The following PLCG2 variants were observed in gnomAD, a reference collection of about 807,000 sequenced individuals.
PLCG2 encodes phospholipase C gamma 2.
Under a neutral mutation model 175.6 loss-of-function variants are expected in PLCG2, and 69 were observed. That is an observed-to-expected ratio of 0.39 (90% CI 0.32 to 0.48). PLCG2 has a LOEUF of 0.48. PLCG2 is among the 20% of genes least tolerant of loss of function. The pLI, the probability that PLCG2 is intolerant of heterozygous loss-of-function variation, is 0.91. For missense variants in PLCG2, 1,798 were observed against 1,650.9 expected, an observed-to-expected ratio of 1.09 and a Z score of -1.54; for synonymous variants, 827 against 624.0, an observed-to-expected ratio of 1.33 and a Z score of -4.85.
chr16:81,767,218 C>T lies in PLCG2; in HGVS notation c.-48+11252C>T, dbSNP rs565321452. ...GGAGTGCAGTGGTGCAATCTCGGCTCACTGCAACTTCTGCTTCCTGGGTTC... is the reference window on the plus strand; with the variant it reads ...GGAGTGCAGTGGTGCAATCTCGGCTTACTGCAACTTCTGCTTCCTGGGTTC... On this transcript the variant is annotated intron_variant, in intron 2 of 5. Transcript: ENST00000565054. Among the ~76,000 whole-genome samples, 172 of 140,328 alleles carry T rather than the reference C, an allele frequency of 1.2e-3. 1 individual carries two copies. The highest frequency in any genetic ancestry group is 1.5e-3 in the Non-Finnish European group (101 of 66,004). The allele number at this position is 140,328 out of a possible 152,430, so 92.1% of individuals were successfully genotyped here.
intron 4 of PLCG2, 68 bp downstream of exon 4, chr16:81,858,424 T>G: frequency 9.1e-7 from 1 of 1,097,718 alleles, no homozygotes; most frequent in Non-Finnish European, 1.4e-6. Context: ...TTAGCCAACA[T>G]GGGCTACAGG....
intron 2 of PLCG2, among the ~76,000 whole-genome samples, chr16:81,830,214 G>C (rs1238033576): frequency 6.6e-6 from 1 of 152,124 alleles, no homozygotes; most frequent in African/African-American, 2.4e-5. Context: ...CAGCTACTTA[G>C]GAGTCTGAGG....
chr16:81,794,030 TTGTGA>T (rs1449219252), intron 2 of PLCG2, among the ~76,000 whole-genome samples: 1 of 152,176 alleles, frequency 6.6e-6, no homozygotes, highest in Non-Finnish European at 1.5e-5. Context: ...TAGAGTTTCT[TTGTGA>T]CAGCAGGACA....
In PLCG2 at chr16:81,819,034, A is replaced by G. The variant is rs753134823; in HGVS notation, c.193+32852A>G. On this transcript the variant is annotated intron_variant, in intron 2 of 32. Coordinates refer to ENST00000564138, the MANE Select transcript of PLCG2 (RefSeq NM_002661.5). The stretch of plus-strand genomic sequence containing the variant: ...CCATGAGGCAGGTGTAACTCCTTCA[A>G]TTTGCAGAGGAAGCTGAGGCTCAGA... Among the ~76,000 whole-genome samples the G allele has an allele frequency of 9.5e-4, 144 of 151,964 alleles. 2 individuals carry two copies. The highest frequency in any genetic ancestry group is 1.2e-3 in the Non-Finnish European group (81 of 67,988).
intron 2 of PLCG2, among the ~76,000 whole-genome samples, chr16:81,804,676 G>A (rs571569829): frequency 1.3e-5 from 2 of 152,166 alleles, no homozygotes; most frequent in Non-Finnish European, 2.9e-5. Flanking sequence ...AAGGTTTAAC[G>A]CCTCAGCCCA....
intron 2 of PLCG2, among the ~76,000 whole-genome samples, chr16:81,816,651 ATTTTTT>A (rs71146047): frequency 0.13 from 14,590 of 108,348 alleles, 1,703 homozygotes; most frequent in Non-Finnish European, 0.16. Flanking sequence ...GCTAATTTTA[ATTTTTT>A]TTTTTTTTTT....
At chr16:81,844,872 A>T (rs1042481691) in intron 2 of PLCG2, among the ~76,000 whole-genome samples, 1 of 152,172 alleles carries the variant, frequency 6.6e-6, no homozygotes, top group Non-Finnish European at 1.5e-5. Context: ...AGTTTTTGTC[A>T]TGTCGGTACA....
At chr16:81,772,357 G>T (rs951350197) in intron 2 of PLCG2, among the ~76,000 whole-genome samples, 1 of 152,172 alleles carries the variant, frequency 6.6e-6, no homozygotes, top group Non-Finnish European at 1.5e-5. Flanking sequence ...AACCAGTGCT[G>T]CTGCTGGCAC....
chr16:81,900,879 C>A, intron 14 of PLCG2, 99 bp downstream of exon 14: 1 of 1,087,194 alleles, frequency 9.2e-7, no homozygotes. Flanking sequence ...CCTACTGGGC[C>A]TGCTCCAGGT....
intron 2 of PLCG2, among the ~76,000 whole-genome samples, chr16:81,849,427 T>C (rs1440464022): frequency 6.6e-6 from 1 of 152,178 alleles, no homozygotes; most frequent in Non-Finnish European, 1.5e-5. Context: ...ATGTATAATT[T>C]TTCTGTAAGG....
Position 81,884,060 on chromosome 16 carries a change from A to G in PLCG2, c.765+719A>G, listed in dbSNP as rs149713189. ...AGCCCCCCCTACCCCCCAGCGAAGA[A>G]GTATTCAGGGCCGGGTAGGGTGGCT... On this transcript the variant is annotated intron_variant, in intron 9 of 32. Transcript: ENST00000564138. Among the ~76,000 whole-genome samples, 230 of 152,350 alleles carry G rather than the reference A, an allele frequency of 1.5e-3. 2 individuals carry two copies. The highest frequency in any genetic ancestry group is 5.5e-3 in the African/African-American group (228 of 41,586).
chr16:81,800,737 C>G (rs1182996443), intron 2 of PLCG2, among the ~76,000 whole-genome samples: 2 of 151,952 alleles, frequency 1.3e-5, no homozygotes, highest in Non-Finnish European at 2.9e-5. Context: ...CTCTCTGCTC[C>G]CAAGATGCCC....
intron 30 of PLCG2, among the ~76,000 whole-genome samples, chr16:81,943,994 G>A (rs985061081): frequency 6.6e-6 from 1 of 152,148 alleles, no homozygotes; most frequent in Non-Finnish European, 1.5e-5. Context: ...GAGAACAAAA[G>A]AGGACAAATT....
intron 1 of PLCG2, among the ~76,000 whole-genome samples, chr16:81,743,173 G>GGAAGGAAGGAGAGGAAAGAAT (rs1909631806): frequency 6.6e-6 from 1 of 152,038 alleles, no homozygotes; most frequent in African/African-American, 2.4e-5. Flanking sequence ...AAGGAAAGAA[G>GGAAGGAAGGAGAGGAAAGAAT]GAAGGAAGGA....
At chr16:81,837,198 G>C (rs534205537) in intron 2 of PLCG2, among the ~76,000 whole-genome samples, 2 of 152,254 alleles carry the variant, frequency 1.3e-5, no homozygotes, top group Non-Finnish European at 2.9e-5. Context: ...TGCTGCTTCA[G>C]ATGGAAGTCA....
upstream of PLCG2, among the ~76,000 whole-genome samples, chr16:81,777,199 C>A (rs1910430232): frequency 6.6e-6 from 1 of 152,184 alleles, no homozygotes; most frequent in South Asian, 2.1e-4. Flanking sequence ...CCAGAATTGG[C>A]ATCTGTCAAG....
intron 1 of PLCG2, among the ~76,000 whole-genome samples, chr16:81,780,113 G>C (rs2143146716): frequency 6.6e-6 from 1 of 152,226 alleles, no homozygotes; most frequent in Non-Finnish European, 1.5e-5. Context: ...GGGCTCTCTT[G>C]GTACCCTAAT....
At chr16:81,861,864 T>G (rs1906997792) in intron 5 of PLCG2, among the ~76,000 whole-genome samples, 2 of 152,164 alleles carry the variant, frequency 1.3e-5, no homozygotes, top group African/African-American at 2.4e-5. Flanking sequence ...TTCTGGCAAG[T>G]CCTGCATAGA....
intron 14 of PLCG2, among the ~76,000 whole-genome samples, chr16:81,904,966 C>A (rs1909303655): frequency 6.6e-6 from 1 of 152,186 alleles, no homozygotes; most frequent in Non-Finnish European, 1.5e-5. Flanking sequence ...CAGCTCACTG[C>A]AACCTCCACT....
Sources: gnomAD v4.1 joint callset for allele counts (sites outside exome capture counted in the v4.1 genomes callset) on GRCh38, gnomAD v4.1.1 for gene constraint, MANE v1.5 for transcripts, NCBI Gene and HGNC (gene_info 2026-07-23, HGNC 2026-07-21) for gene names.